UTRN: variants seen among roughly 807,000 people sequenced by gnomAD.
UTRN encodes utrophin.
A neutral mutation model predicts 463.9 loss-of-function variants in UTRN; 283 were observed. That is an observed-to-expected ratio of 0.61 (90% CI 0.55 to 0.67). The LOEUF is 0.67. Ranked by LOEUF, UTRN falls within the 30% of genes least tolerant of loss-of-function variation. UTRN has a pLI of 0.00. For missense variants in UTRN, 3,922 were observed against 4,084.3 expected (o/e 0.96, Z 1.08); for synonymous variants, 1,442 against 1,431.5 (o/e 1.01, Z -0.17).
chr6:144,837,868 C>A (rs1781233324), intron 71 of UTRN, among the ~76,000 whole-genome samples: 1 of 152,218 alleles, frequency 6.6e-6, no homozygotes, highest in Admixed American at 6.5e-5. Flanking sequence ...CAGGGCCTCT[C>A]AATCCCACAA....
chr6:144,791,984 A>T (rs897806357), intron 62 of UTRN, among the ~76,000 whole-genome samples: 1 of 152,224 alleles, frequency 6.6e-6, no homozygotes, highest in African/African-American at 2.4e-5. Flanking sequence ...GGTTTAAAAT[A>T]AACATCATGC....
chr6:144,518,005 G>C (rs1465209869), intron 39 of UTRN, among the ~76,000 whole-genome samples: 3 of 152,154 alleles, frequency 2.0e-5, no homozygotes, highest in Non-Finnish European at 4.4e-5. Flanking sequence ...ACACTGAGTA[G>C]GCATTAAAAC....
At chr6:144,658,549 C>CA (rs1022163836) in intron 51 of UTRN, among the ~76,000 whole-genome samples, 102 of 152,284 alleles carry the variant, frequency 6.7e-4, no homozygotes, top group African/African-American at 2.4e-3. Flanking sequence ...GTTCCCCCCC[C>CA]CACTTTGGTC....
chr6:144,359,668 T>A (rs1320924321), intron 2 of UTRN, among the ~76,000 whole-genome samples: 1 of 152,186 alleles, frequency 6.6e-6, no homozygotes, highest in Non-Finnish European at 1.5e-5. Context: ...ATATTTTTTT[T>A]ATTTGCATTG....
At chr6:144,330,358 T>A (rs1776250519) in intron 2 of UTRN, among the ~76,000 whole-genome samples, 1 of 152,200 alleles carries the variant, frequency 6.6e-6, no homozygotes, top group African/African-American at 2.4e-5. Flanking sequence ...ACCTCTTAGT[T>A]TGAGGGCATG....
At chr6:144,496,261 TC>T (rs1206607841) in intron 33 of UTRN, among the ~76,000 whole-genome samples, 2 of 152,214 alleles carry the variant, frequency 1.3e-5, no homozygotes, top group African/African-American at 4.8e-5. Flanking sequence ...TATTGAAGTT[TC>T]TATATAAGCC....
chr6:144,756,694 C>T (rs1442936067), intron 57 of UTRN, among the ~76,000 whole-genome samples: 1 of 152,086 alleles, frequency 6.6e-6, no homozygotes, highest in Non-Finnish European at 1.5e-5. Flanking sequence ...TACCTACTTC[C>T]TCATTTTCAT....
At chr6:144,323,283 T>C (rs1218243030) in intron 2 of UTRN, among the ~76,000 whole-genome samples, 2 of 152,202 alleles carry the variant, frequency 1.3e-5, no homozygotes, top group Admixed American at 6.5e-5. Flanking sequence ...TCATGACCAC[T>C]AGGTAAATGG....
intron 51 of UTRN, among the ~76,000 whole-genome samples, chr6:144,618,550 C>T (rs998705500): frequency 1.3e-5 from 2 of 152,022 alleles, no homozygotes; most frequent in Non-Finnish European, 2.9e-5. Flanking sequence ...AGTTGGTTTT[C>T]AAAATCTATT....
intron 65 of UTRN, among the ~76,000 whole-genome samples, chr6:144,818,442 G>A (rs775510808): frequency 7.9e-5 from 12 of 152,108 alleles, no homozygotes; most frequent in Admixed American, 5.9e-4. Flanking sequence ...TGCCCACCTG[G>A]CCTTTCCTCT....
intron 23 of UTRN, among the ~76,000 whole-genome samples, chr6:144,464,987 A>C (rs1019027499): frequency 2.6e-5 from 4 of 152,168 alleles, no homozygotes; most frequent in African/African-American, 4.8e-5. Flanking sequence ...ATTTCTGGAA[A>C]CATTTCTGTT....
chr6:144,692,448 A>G (rs1783525664), intron 52 of UTRN, among the ~76,000 whole-genome samples: 1 of 152,154 alleles, frequency 6.6e-6, no homozygotes, highest in South Asian at 2.1e-4. Flanking sequence ...TTATGTTTTT[A>G]GGTCTTTGAG....
intron 53 of UTRN, among the ~76,000 whole-genome samples, chr6:144,714,214 A>T (rs1262583398): frequency 6.6e-6 from 1 of 152,184 alleles, no homozygotes; most frequent in African/African-American, 2.4e-5. Context: ...AGTGCTATCA[A>T]ATTTAATGAG....
chr6:144,630,510 A>G lies in UTRN; in HGVS notation c.7480-47896A>G, dbSNP rs117437375. 7.8e-3 allele frequency among the ~76,000 whole-genome samples: 1,181 copies of G among 152,258 alleles called. 4 individuals carry two copies. Among genetic ancestry groups the G allele is most frequent in the Middle Eastern group, 0.014 (4 of 294 alleles). On this transcript the variant is annotated intron_variant, in intron 51 of 74. Coordinates refer to ENST00000367545, the MANE Select transcript of UTRN (RefSeq NM_007124.3). ...GTGTGAGGGGAACTCCCCTTCATAA[A>G]ACCATCAGATCTCGTGAGACTTATT...
chr6:144,326,501 C>T (rs532658556), intron 2 of UTRN, among the ~76,000 whole-genome samples: 5 of 152,212 alleles, frequency 3.3e-5, no homozygotes, highest in East Asian at 1.9e-4. Flanking sequence ...TCTGATGTGA[C>T]GGCCATGTAT....
At chr6:144,627,774 A>G (rs991040966) in intron 51 of UTRN, among the ~76,000 whole-genome samples, 4 of 149,144 alleles carry the variant, frequency 2.7e-5, no homozygotes, top group African/African-American at 9.9e-5. Flanking sequence ...AGGTTGTAGC[A>G]CATTTCTGCA....
chr6:144,631,245 T>G (rs763512630), intron 51 of UTRN, among the ~76,000 whole-genome samples: 6 of 98,714 alleles, frequency 6.1e-5, no homozygotes, highest in African/African-American at 8.6e-5. Flanking sequence ...GAGGTGTGTG[T>G]GTGTGTGTGT....
chr6:144,700,639 C>T (rs1784493572), intron 53 of UTRN, among the ~76,000 whole-genome samples: 1 of 152,046 alleles, frequency 6.6e-6, no homozygotes, highest in South Asian at 2.1e-4. Flanking sequence ...ATGATCTCGG[C>T]TCACTGCAGC....
At chr6:144,838,543 G>C (rs931204121) in intron 71 of UTRN, among the ~76,000 whole-genome samples, 3 of 152,292 alleles carry the variant, frequency 2.0e-5, no homozygotes, top group East Asian at 3.9e-4. Context: ...GAAGATTTGC[G>C]TGAGTGCCTT....
Sources: allele counts gnomAD v4.1 joint callset (sites outside exome capture counted in the v4.1 genomes callset), GRCh38; gene constraint gnomAD v4.1.1; transcripts MANE v1.5; gene names NCBI Gene and HGNC (gene_info 2026-07-23, HGNC 2026-07-21).